Variants in MARCHF1 observed in about 807,000 individuals in gnomAD.
The protein encoded by MARCHF1 is E3 ubiquitin-protein ligase MARCHF1.
MARCHF1 carries 40 observed loss-of-function variants against 54.2 expected under a neutral mutation model. The observed-to-expected ratio is 0.74, with a 90% confidence interval of 0.57 to 0.96. MARCHF1 has a LOEUF of 0.96. Among genes scored for constraint, MARCHF1 ranks in the 40% least tolerant of loss-of-function variants. The pLI, the probability that MARCHF1 is intolerant of heterozygous loss-of-function variation, is 0.00. For missense variants in MARCHF1, 586 were observed against 656.5 expected (o/e 0.89, Z 1.17); for synonymous variants, 236 against 236.3 (o/e 1.00, Z 0.01).
intron 1 of MARCHF1, among the ~76,000 whole-genome samples, chr4:164,286,616 A>G (rs926494456): frequency 6.6e-6 from 1 of 151,744 alleles, no homozygotes; most frequent in African/African-American, 2.4e-5. Context: ...AGCCATGGGA[A>G]TATGTGCTCA....
At chr4:163,920,284 A>T (rs540644588) in intron 3 of MARCHF1, among the ~76,000 whole-genome samples, 8 of 152,302 alleles carry the variant, frequency 5.3e-5, no homozygotes, top group Admixed American at 3.3e-4. Context: ...TAATATTGTT[A>T]ATGTGTAAGA....
chr4:163,629,657 C>G (rs1742001686), intron 5 of MARCHF1, among the ~76,000 whole-genome samples: 1 of 152,074 alleles, frequency 6.6e-6, no homozygotes, highest in African/African-American at 2.4e-5. Context: ...GCAATCTATC[C>G]ATCTGACAAA....
intron 1 of MARCHF1, among the ~76,000 whole-genome samples, chr4:164,156,867 G>A (rs1442940583): frequency 6.6e-6 from 1 of 151,988 alleles, no homozygotes; most frequent in Non-Finnish European, 1.5e-5. Context: ...CCACCAGCTG[G>A]AGACATGCTT....
chr4:164,073,653 A>G (rs1428451279), intron 2 of MARCHF1, among the ~76,000 whole-genome samples: 1 of 152,168 alleles, frequency 6.6e-6, no homozygotes, highest in Non-Finnish European at 1.5e-5. Flanking sequence ...AAATAAATAA[A>G]TAAATAAACA....
chr4:164,358,657 G>T (rs995184477), intron 1 of MARCHF1, among the ~76,000 whole-genome samples: 1 of 152,090 alleles, frequency 6.6e-6, no homozygotes, highest in African/African-American at 2.4e-5. Flanking sequence ...CATTTAAGTA[G>T]CTATCTTTAA....
At chr4:164,030,739 T>C (rs1753859842) in intron 2 of MARCHF1, among the ~76,000 whole-genome samples, 1 of 152,144 alleles carries the variant, frequency 6.6e-6, no homozygotes, top group Non-Finnish European at 1.5e-5. Context: ...ATATCACACA[T>C]AAACATGTGT....
At chr4:163,877,433 AATT>A (rs1750314269) in intron 3 of MARCHF1, among the ~76,000 whole-genome samples, 1 of 150,756 alleles carries the variant, frequency 6.6e-6, no homozygotes, top group African/African-American at 2.4e-5. Flanking sequence ...ATTTTTATCC[AATT>A]AGTTTGCACT....
At chr4:164,172,127 A>G (rs1560938163) in intron 1 of MARCHF1, among the ~76,000 whole-genome samples, 1 of 152,018 alleles carries the variant, frequency 6.6e-6, no homozygotes. Context: ...GCTACCCCTC[A>G]TTTTCTCTAG....
chr4:164,147,050 G>A (rs1729768781), intron 1 of MARCHF1, among the ~76,000 whole-genome samples: 1 of 151,916 alleles, frequency 6.6e-6, no homozygotes, highest in South Asian at 2.1e-4. Context: ...AGACATTTAT[G>A]CAGCCAAAAA....
In MARCHF1 at chr4:164,288,809, TGA is replaced by T. The variant is rs142082615; in HGVS notation, c.-323+95059_-323+95060del. On this transcript the variant is annotated intron_variant, in intron 1 of 9. Coordinates refer to ENST00000514618, the MANE Select transcript of MARCHF1 (RefSeq NM_001394959.1). ...AAACACGGGGAAAAAAATTCCGAGG[TGA>T]GAGTTTTCCGACTTTAATCTCAGAA... 7.9e-5 allele frequency among the ~76,000 whole-genome samples: 12 copies of T among 152,116 alleles called. No homozygotes were observed. In the East Asian group the frequency reaches 2.1e-3, roughly 27 times the overall value.
At position 164,346,604 on chromosome 4, in the gene MARCHF1, GTATATATATATATATA is replaced by G. The variant is rs56936775; in HGVS notation, c.-323+37250_-323+37265del. On this transcript the variant is annotated intron_variant, in intron 1 of 9. Transcript: ENST00000514618. ...TGTCCTCAAACCTGTATGTATGTAT[GTATATATATATATATA>G]TATATATATATATATATATATATAT... 4.7e-3 allele frequency among the ~76,000 whole-genome samples: 201 copies of G among 42,504 alleles called. 5 individuals are homozygous for G. Among genetic ancestry groups the G allele is most frequent in the East Asian group, 0.019 (20 of 1,042 alleles). The allele number at this position is 42,504 out of a possible 152,430, so 27.9% of individuals were successfully genotyped here.
At chr4:163,595,628 A>T (rs1740743758) in intron 7 of MARCHF1, among the ~76,000 whole-genome samples, 1 of 152,242 alleles carries the variant, frequency 6.6e-6, no homozygotes, top group African/African-American at 2.4e-5. Context: ...TGAGGAAATT[A>T]TGCCAAATGA....
At chr4:164,176,974 CTCTCTCT>C (rs1730697392) in intron 1 of MARCHF1, among the ~76,000 whole-genome samples, 3 of 29,976 alleles carry the variant, frequency 1.0e-4, no homozygotes, top group East Asian at 6.0e-4. Flanking sequence ...CTCTCTCTCT[CTCTCTCT>C]ATATATATAT....
chr4:164,138,613 G>A (rs187615037), intron 1 of MARCHF1, among the ~76,000 whole-genome samples: 4 of 152,282 alleles, frequency 2.6e-5, no homozygotes, highest in Admixed American at 6.5e-5. Flanking sequence ...AAGCGGTATG[G>A]GCAGAACAGT....
intron 4 of MARCHF1, among the ~76,000 whole-genome samples, chr4:163,710,470 C>CA (rs1038222860): frequency 1.3e-5 from 2 of 151,988 alleles, no homozygotes; most frequent in African/African-American, 2.4e-5. Flanking sequence ...GAAATAATAT[C>CA]AAAAATATCT....
At chr4:164,039,252 A>G (rs947371260) in intron 2 of MARCHF1, among the ~76,000 whole-genome samples, 2 of 152,228 alleles carry the variant, frequency 1.3e-5, no homozygotes, top group African/African-American at 4.8e-5. Context: ...TTTCAAAAAC[A>G]ATAATAGGAA....
chr4:163,644,645 C>T (rs570405884), intron 5 of MARCHF1, among the ~76,000 whole-genome samples: 2 of 152,284 alleles, frequency 1.3e-5, no homozygotes, highest in East Asian at 3.9e-4. Flanking sequence ...GCATAGCCAT[C>T]CATGTTCCCA....
intron 4 of MARCHF1, among the ~76,000 whole-genome samples, chr4:163,831,261 A>G (rs1051320712): frequency 1.3e-5 from 2 of 152,164 alleles, no homozygotes; most frequent in African/African-American, 4.8e-5. Flanking sequence ...TGGAACCCTC[A>G]AAGAATTGCC....
intron 1 of MARCHF1, among the ~76,000 whole-genome samples, chr4:164,295,334 C>T (rs1734382302): frequency 6.6e-6 from 1 of 151,980 alleles, no homozygotes; most frequent in African/African-American, 2.4e-5. Flanking sequence ...TTAGAATGCC[C>T]TTCTTGCATC....
Sources: gnomAD v4.1 joint callset for allele counts (sites outside exome capture counted in the v4.1 genomes callset) on GRCh38, gnomAD v4.1.1 for gene constraint, MANE v1.5 for transcripts, NCBI Gene and HGNC (gene_info 2026-07-23, HGNC 2026-07-21) for gene names.